Variants in AFF2 observed in about 807,000 individuals in gnomAD.
AFF2 encodes the protein AF4/FMR2 family member 2.
AFF2 carries 14 observed loss-of-function variants against 76.9 expected under a neutral mutation model. That is an observed-to-expected ratio of 0.18 (90% CI 0.12 to 0.28). The LOEUF (loss-of-function observed/expected upper bound fraction) is 0.28. AFF2 is among the 10% of genes least tolerant of loss of function. AFF2 has a pLI of 1.00. For missense variants in AFF2, 868 were observed against 1,001.1 expected (o/e 0.87, Z 1.79); for synonymous variants, 398 against 366.7 (o/e 1.09, Z -0.98).
At chrX:148,763,988 A>C (rs1201745214) in intron 3 of AFF2, among the ~76,000 whole-genome samples, 2 of 112,375 alleles carry the variant, frequency 1.8e-5, no homozygotes, top group Admixed American at 1.9e-4. Flanking sequence ...TAATATTCAA[A>C]TAATTACATT....
intron 1 of AFF2, among the ~76,000 whole-genome samples, chrX:148,507,181 G>A (rs1198960121): frequency 8.9e-6 from 1 of 112,421 alleles, no homozygotes; most frequent in Non-Finnish European, 1.9e-5. Flanking sequence ...CCCTCTGCCT[G>A]TGTGATTGTA....
chrX:148,609,927 T>A (rs1243675463), intron 1 of AFF2, among the ~76,000 whole-genome samples: 2 of 111,433 alleles, frequency 1.8e-5, no homozygotes, highest in African/African-American at 6.5e-5. Flanking sequence ...CCCACATCCA[T>A]CTTGTTCTTA....
At chrX:148,686,656 C>A (rs1420571424) in intron 3 of AFF2, among the ~76,000 whole-genome samples, 1 of 111,382 alleles carries the variant, frequency 9.0e-6, no homozygotes, top group Non-Finnish European at 1.9e-5. Flanking sequence ...CCTACCAGTA[C>A]CTGCTACACA....
At chrX:148,844,690 G>A (rs1207026875) in intron 7 of AFF2, among the ~76,000 whole-genome samples, 2 of 111,416 alleles carry the variant, frequency 1.8e-5, no homozygotes, top group Non-Finnish European at 3.8e-5. Flanking sequence ...TAAAAAAACT[G>A]GGAATGACTC....
At position 148,533,550 on chromosome X, in the gene AFF2, C is replaced by T. The variant is rs567977851; in HGVS notation, c.47+32406C>T. Among the ~76,000 whole-genome samples, 18 of 111,580 alleles carry T rather than the reference C, an allele frequency of 1.6e-4. No individual in the cohort carries two copies. In the East Asian group the frequency reaches 4.2e-3, roughly 26 times the overall value. On this transcript the variant is annotated intron_variant, in intron 1 of 20. Coordinates refer to ENST00000370460, the MANE Select transcript of AFF2 (RefSeq NM_002025.4). ...CTCGTGATCCGCCTGCATCGGCCTC[C>T]CAAAGTGCTGGGATTACAGGCATGA... is the stretch of plus-strand genomic sequence containing the variant.
chrX:148,675,694 A>G (rs1160061527), intron 3 of AFF2, among the ~76,000 whole-genome samples: 1 of 109,360 alleles, frequency 9.1e-6, no homozygotes, highest in African/African-American at 3.3e-5. Flanking sequence ...CATCTGCTGG[A>G]TATGGAGACC....
intron 3 of AFF2, among the ~76,000 whole-genome samples, chrX:148,699,680 A>G (rs2054762617): frequency 9.0e-6 from 1 of 111,420 alleles, no homozygotes. Flanking sequence ...TAGCTCAGTT[A>G]AAGCCACAGT....
chrX:148,709,495 G>A (rs994218846), intron 3 of AFF2, among the ~76,000 whole-genome samples: 17 of 112,014 alleles, frequency 1.5e-4, no homozygotes, highest in Admixed American at 1.0e-3. Context: ...AATTATAATC[G>A]TACCTATCTC....
chrX:148,925,750 A>G (rs1477419923), intron 9 of AFF2, among the ~76,000 whole-genome samples: 5 of 111,432 alleles, frequency 4.5e-5, no homozygotes, highest in African/African-American at 1.6e-4. Context: ...TAGTGTTGTG[A>G]TGGAGATTAA....
At chrX:148,708,721 A>C (rs1342891060) in intron 3 of AFF2, among the ~76,000 whole-genome samples, 1 of 112,204 alleles carries the variant, frequency 8.9e-6, no homozygotes, top group Admixed American at 9.4e-5. Context: ...CTCAAAAACA[A>C]AACAAAACAA....
intron 1 of AFF2, among the ~76,000 whole-genome samples, chrX:148,590,804 T>G (rs182433285): frequency 8.9e-6 from 1 of 112,229 alleles, no homozygotes; most frequent in East Asian, 2.8e-4. Context: ...AAAATGAATA[T>G]TTTTCATTAT....
chrX:148,723,579 C>T (rs1197738382), intron 3 of AFF2, among the ~76,000 whole-genome samples: 2 of 111,959 alleles, frequency 1.8e-5, no homozygotes, highest in Non-Finnish European at 3.8e-5. Flanking sequence ...TAAACAGGAA[C>T]GTTCGGTACC....
At chrX:148,824,654 G>T in intron 4 of AFF2, among the ~76,000 whole-genome samples, 1 of 112,059 alleles carries the variant, frequency 8.9e-6, no homozygotes, top group African/African-American at 3.3e-5. Flanking sequence ...TTAGGGATCG[G>T]CTTATTTTTA....
In AFF2 at chrX:149,000,433, C is replaced by T. The variant is rs2072662609; in HGVS notation, c.*9101C>T. On this transcript the variant is annotated 3_prime_UTR_variant, in exon 21 of 21. Coordinates refer to ENST00000370460, the MANE Select transcript of AFF2 (RefSeq NM_002025.4). The stretch of plus-strand genomic sequence containing the variant: ...TATAAAACTATATCTGCCTGTGTGG[C>T]TTTGCATTTCAAATGTGTGGCGCAC... 8.9e-6 allele frequency: 1 copy of T among 112,814 alleles called. No homozygotes were observed. Among genetic ancestry groups the T allele is most frequent in the African/African-American group, 3.2e-5 (1 of 30,982 alleles). 9.3% of individuals were successfully genotyped at this position (112,814 alleles called of 1,213,427 possible). A position where few individuals can be genotyped will look rare whatever the true frequency, so the allele number is the denominator to read the frequency against.
chrX:148,727,530 G>A (rs2055173296), intron 3 of AFF2, among the ~76,000 whole-genome samples: 1 of 111,363 alleles, frequency 9.0e-6, no homozygotes. Context: ...TGATGATACA[G>A]TGCTTTACAC....
intron 3 of AFF2, among the ~76,000 whole-genome samples, chrX:148,791,670 T>C (rs1345414807): frequency 8.9e-6 from 1 of 112,750 alleles, no homozygotes; most frequent in Admixed American, 9.4e-5. Flanking sequence ...AGTCCTCTTA[T>C]GGCTGTTTTA....
chrX:148,656,276 A>C (rs1310790366), intron 2 of AFF2, among the ~76,000 whole-genome samples: 1 of 111,448 alleles, frequency 9.0e-6, no homozygotes, highest in East Asian at 2.8e-4. Flanking sequence ...ATGTCTTCAA[A>C]TGTGCCTGAA....
At chrX:148,909,638 T>C (rs894920228) in intron 9 of AFF2, among the ~76,000 whole-genome samples, 2 of 112,243 alleles carry the variant, frequency 1.8e-5, no homozygotes, top group Non-Finnish European at 3.8e-5. Context: ...TGCCATTTCC[T>C]TGAAACATTA....
chrX:148,634,188 C>T (rs990523727), intron 1 of AFF2, among the ~76,000 whole-genome samples: 3 of 111,865 alleles, frequency 2.7e-5, no homozygotes, highest in Non-Finnish European at 3.8e-5. Context: ...TAAAGTGTTT[C>T]GCAGGTGTGT....
Sources: gnomAD v4.1 joint callset for allele counts (sites outside exome capture counted in the v4.1 genomes callset) on GRCh38, gnomAD v4.1.1 for gene constraint, MANE v1.5 for transcripts, NCBI Gene and HGNC (gene_info 2026-07-23, HGNC 2026-07-21) for gene names.